The following POLA2 variants were observed in gnomAD, a reference collection of about 807,000 sequenced individuals.
The protein encoded by POLA2 is DNA polymerase alpha 2, accessory subunit, also known as DNA polymerase alpha subunit B.
POLA2 carries 47 observed loss-of-function variants against 82.8 expected under a neutral mutation model. That is an observed-to-expected ratio of 0.57 (90% CI 0.45 to 0.72). POLA2 has a LOEUF of 0.72. Ranked by LOEUF, POLA2 falls within the 30% of genes least tolerant of loss-of-function variation. The pLI is 0.00. For missense variants in POLA2, 634 were observed against 728.1 expected, an observed-to-expected ratio of 0.87 and a Z score of 1.49; for synonymous variants, 287 against 286.8, an observed-to-expected ratio of 1.00 and a Z score of -0.01.
At chr11:65,278,671 ATTC>A (rs1949606322) in intron 5 of POLA2, 56 bp from the exon 6 acceptor site, 1 of 1,388,688 alleles carries the variant, frequency 7.2e-7, no homozygotes, top group Admixed American at 2.0e-5. Context: ...ACCTCATTTT[ATTC>A]TTCTCTCCCT....
chr11:65,285,075 G>A (rs1949682048), intron 10 of POLA2, among the ~76,000 whole-genome samples: 1 of 152,084 alleles, frequency 6.6e-6, no homozygotes, highest in Admixed American at 6.6e-5. Flanking sequence ...TTTGAGAGCA[G>A]CCTGGGCAAC....
chr11:65,267,505 G>A lies in POLA2; in HGVS notation c.233G>A (p.Arg78Lys). ...CTGAGCAAAAGATTATCGAAAGCCA[G>A]GCATAGTACCTGCAAGGACAGTGGC... Reference protein sequence around the residue: ...EFLSKRLSKARHSTCKDSGHA... With the variant: ...EFLSKRLSKAKHSTCKDSGHA... The change falls in exon 3 of 18, where the codon AGG becomes AAG. Residue 78 changes from arginine to lysine, a missense_variant. Coordinates refer to ENST00000265465, the MANE Select transcript of POLA2 (RefSeq NM_002689.4). 2 of 1,611,942 alleles carry A rather than the reference G, an allele frequency of 1.2e-6. No individual in the cohort carries two copies. Among genetic ancestry groups the A allele is most frequent in the Non-Finnish European group, 1.7e-6 (2 of 1,179,050 alleles).
rs769809758 is a variant in POLA2 at position 65,297,175 on chromosome 11, G to A, written c.1703G>A (p.Gly568Glu). The change falls in exon 18 of 18, where the codon GGA (glycine) becomes GAA (glutamate). Residue 568 changes from glycine to glutamate, a missense_variant. Physicochemically the swap from Gly to Glu is moderately conservative, Grantham distance 98. Coordinates refer to ENST00000265465, the MANE Select transcript of POLA2 (RefSeq NM_002689.4). ...NPGRLTKGQVGGTFARLYLRR... is the reference protein window; with the variant it reads ...NPGRLTKGQVEGTFARLYLRR... ...GGGCGCCTTACCAAAGGGCAGGTGG[G>A]AGGCACCTTCGCCCGACTCTACCTT... 1.4e-5 allele frequency: 23 copies of A among 1,613,980 alleles called. No homozygotes were observed. In the Admixed American group the frequency reaches 3.7e-4, roughly 26 times the overall value.
At chr11:65,303,790 C>T (rs1949871139) in intron 8 of POLA2, among the ~76,000 whole-genome samples, 1 of 152,184 alleles carries the variant, frequency 6.6e-6, no homozygotes, top group Non-Finnish European at 1.5e-5. Context: ...CTCCACCTTC[C>T]AGAAGCAGGC....
intron 5 of POLA2, among the ~76,000 whole-genome samples, chr11:65,276,979 C>T (rs753857947): frequency 6.6e-6 from 1 of 151,518 alleles, no homozygotes; most frequent in Non-Finnish European, 1.5e-5. Context: ...TTAGTAGAGA[C>T]GAGGTTTCGC....
At chr11:65,264,593 A>G (rs879865337) in intron 1 of POLA2, among the ~76,000 whole-genome samples, 1 of 152,094 alleles carries the variant, frequency 6.6e-6, no homozygotes, top group Admixed American at 6.6e-5. Flanking sequence ...AATTTCTATT[A>G]TTTGCTGAAA....
intron 4 of POLA2, among the ~76,000 whole-genome samples, chr11:65,275,063 AT>A (rs532651521): frequency 2.5e-4 from 38 of 150,450 alleles, no homozygotes; most frequent in Admixed American, 4.6e-4. Context: ...AGAATAAGGG[AT>A]TTTTTTTTTA....
At chr11:65,283,889 C>T (rs986393943) in intron 10 of POLA2, among the ~76,000 whole-genome samples, 7 of 151,446 alleles carry the variant, frequency 4.6e-5, no homozygotes, top group African/African-American at 1.7e-4. Flanking sequence ...TTCAGCACTT[C>T]ACAGGGCTGA....
intron 10 of POLA2, among the ~76,000 whole-genome samples, chr11:65,283,379 G>T (rs1949661404): frequency 1.3e-5 from 2 of 152,104 alleles, no homozygotes; most frequent in African/African-American, 4.8e-5. Flanking sequence ...TTAAGATTAG[G>T]GGCCACTGGT....
At chr11:65,263,591 G>T (rs1949425022) in intron 1 of POLA2, among the ~76,000 whole-genome samples, 1 of 152,102 alleles carries the variant, frequency 6.6e-6, no homozygotes, top group South Asian at 2.1e-4. Flanking sequence ...ATTTTGGGAG[G>T]CCAAGGCAGG....
At chr11:65,291,375 C>A (rs1949753508) in intron 13 of POLA2, among the ~76,000 whole-genome samples, 1 of 152,186 alleles carries the variant, frequency 6.6e-6, no homozygotes, top group African/African-American at 2.4e-5. Flanking sequence ...GTAGATGTCA[C>A]AGCTGGAATA....
chr11:65,304,559 C>T (rs535992419), intron 8 of POLA2, among the ~76,000 whole-genome samples: 16 of 152,324 alleles, frequency 1.1e-4, no homozygotes, highest in African/African-American at 3.4e-4. Context: ...GACAACGCCA[C>T]GGAGAGGTCC....
intron 5 of POLA2, 104 bp from the exon 6 acceptor site, chr11:65,278,626 A>G (rs1163631458): frequency 1.1e-6 from 1 of 919,402 alleles, no homozygotes. Flanking sequence ...CTATGAGGCC[A>G]CCTTCCTTTT....
At chr11:65,302,726 A>AT (rs538549217), downstream of POLA2, among the ~76,000 whole-genome samples, 35 of 148,244 alleles carry the variant, frequency 2.4e-4, no homozygotes, top group African/African-American at 5.4e-4. Flanking sequence ...ACCTGTTTGA[A>AT]TTTTTTTTTT....
In POLA2 at chr11:65,273,038, A is replaced by G. The variant is rs1011409300; in HGVS notation, c.355-2854A>G. Among the ~76,000 whole-genome samples the G allele has an allele frequency of 6.7e-5, 10 of 148,600 alleles. No individual in the cohort carries two copies. The East Asian group carries it at 1.8e-3, about 27-fold the overall frequency. On this transcript the variant is annotated intron_variant, in intron 4 of 17. Coordinates refer to ENST00000265465, the MANE Select transcript of POLA2 (RefSeq NM_002689.4). ...AAAAAAAAAAAGAAAAGATGAAACTAGCCAGGCGCAGTGGCTTATGCCTGT... is the reference window on the plus strand; with the variant it reads ...AAAAAAAAAAAGAAAAGATGAAACTGGCCAGGCGCAGTGGCTTATGCCTGT...
intron 4 of POLA2, among the ~76,000 whole-genome samples, chr11:65,271,107 C>A (rs1253285815): frequency 6.6e-6 from 1 of 152,176 alleles, no homozygotes; most frequent in Non-Finnish European, 1.5e-5. Flanking sequence ...CCTTATTATT[C>A]TCTTGCTTTA....
chr11:65,265,056 C>T (rs555355025), intron 1 of POLA2, among the ~76,000 whole-genome samples: 3 of 152,242 alleles, frequency 2.0e-5, no homozygotes, highest in East Asian at 1.9e-4. Flanking sequence ...TGGTGAAACC[C>T]GGTCTCTACT....
At chr11:65,291,212 T>C (rs1949751680) in intron 13 of POLA2, among the ~76,000 whole-genome samples, 2 of 152,172 alleles carry the variant, frequency 1.3e-5, no homozygotes, top group Non-Finnish European at 2.9e-5. Flanking sequence ...AAAATACAAA[T>C]ATTCCTGAGG....
chr11:65,281,532 G>A (rs954018630), intron 8 of POLA2, 138 bp from the exon 9 acceptor site: 5 of 670,446 alleles, frequency 7.5e-6, no homozygotes, highest in African/African-American at 1.8e-5. Flanking sequence ...CCCTTAATTC[G>A]TTTTCTACAA....
Sources: gnomAD v4.1 joint callset for allele counts (sites outside exome capture counted in the v4.1 genomes callset) on GRCh38, gnomAD v4.1.1 for gene constraint, MANE v1.5 for transcripts, NCBI Gene and HGNC (gene_info 2026-07-23, HGNC 2026-07-21) for gene names.